The following LRSAM1 variants were observed in gnomAD, a reference collection of about 807,000 sequenced individuals.
LRSAM1 encodes leucine rich repeat and sterile alpha motif containing 1, also known as E3 ubiquitin-protein ligase LRSAM1.
Under a neutral mutation model 118.1 loss-of-function variants are expected in LRSAM1, and 96 were observed. That is an observed-to-expected ratio of 0.81 (90% CI 0.69 to 0.96). LRSAM1 has a LOEUF of 0.96. LRSAM1 is among the 40% of genes least tolerant of loss of function. The pLI is 0.00. For synonymous variants in LRSAM1, 322 were observed against 364.2 expected (o/e 0.88, Z 1.32); for missense variants, 804 against 915.5 (o/e 0.88, Z 1.57).
At chr9:127,454,890 G>A in intron 3 of LRSAM1, 108 bp from the exon 4 acceptor site, 2 of 1,095,492 alleles carry the variant, frequency 1.8e-6, no homozygotes, top group Non-Finnish European at 2.8e-6. Context: ...GAACCAGATA[G>A]TGTCTATGGT....
At chr9:127,499,659 G>A (rs1048647155) in intron 24 of LRSAM1, among the ~76,000 whole-genome samples, 1 of 152,048 alleles carries the variant, frequency 6.6e-6, no homozygotes, top group Non-Finnish European at 1.5e-5. Flanking sequence ...GGCCGGGTGC[G>A]GTGCCTCACG....
chr9:127,454,120 G>A, intron 2 of LRSAM1: 2 of 331,232 alleles, frequency 6.0e-6, no homozygotes, highest in South Asian at 4.9e-5. Flanking sequence ...GAACTCACTA[G>A]AAAGACGCAG....
chr9:127,464,792 C>T (rs1477496344), intron 9 of LRSAM1, among the ~76,000 whole-genome samples: 1 of 151,688 alleles, frequency 6.6e-6, no homozygotes, highest in Non-Finnish European at 1.5e-5. Flanking sequence ...ACAGGTGTAC[C>T]CCATCACTCT....
chr9:127,456,511 G>A (rs1439414723), intron 5 of LRSAM1, among the ~76,000 whole-genome samples: 1 of 152,208 alleles, frequency 6.6e-6, no homozygotes, highest in Non-Finnish European at 1.5e-5. Flanking sequence ...GATTACAGGT[G>A]TGAGCCACCA....
chr9:127,475,257 G>T (rs138174053), intron 11 of LRSAM1, among the ~76,000 whole-genome samples: 6 of 152,060 alleles, frequency 3.9e-5, no homozygotes, highest in African/African-American at 9.7e-5. Flanking sequence ...TTGGGAGGCC[G>T]AGGCTGGTGG....
At chr9:127,492,933 G>A in intron 21 of LRSAM1, 36 bp downstream of exon 21, 1 of 1,577,376 alleles carries the variant, frequency 6.3e-7, no homozygotes, top group Non-Finnish European at 8.7e-7. Flanking sequence ...CATCACACAG[G>A]CATTTGCTTT....
chr9:127,497,647 T>C (rs371175016), intron 24 of LRSAM1, among the ~76,000 whole-genome samples: 1 of 152,176 alleles, frequency 6.6e-6, no homozygotes, highest in African/African-American at 2.4e-5. Context: ...CTGAGGGACT[T>C]TGGACTAGAG....
intron 21 of LRSAM1, 30 bp from the exon 22 acceptor site, chr9:127,495,290 G>A (rs1421466463): frequency 1.3e-6 from 2 of 1,599,378 alleles, no homozygotes; most frequent in Non-Finnish European, 1.7e-6. Flanking sequence ...ACCATTTTGT[G>A]ACTAACATTG....
At chr9:127,476,877 A>G (rs1238449936) in intron 11 of LRSAM1, among the ~76,000 whole-genome samples, 1 of 152,112 alleles carries the variant, frequency 6.6e-6, no homozygotes. Flanking sequence ...GGGTTTCACC[A>G]TGCTGGCCAG....
chr9:127,469,687 G>C (rs1835092429), intron 10 of LRSAM1, among the ~76,000 whole-genome samples: 1 of 151,788 alleles, frequency 6.6e-6, no homozygotes, highest in Admixed American at 6.6e-5. Context: ...AAATAGGCCG[G>C]GCGCGGTGGC....
intron 9 of LRSAM1, among the ~76,000 whole-genome samples, chr9:127,463,847 C>T (rs1291320401): frequency 6.6e-6 from 1 of 152,194 alleles, no homozygotes; most frequent in Admixed American, 6.5e-5. Flanking sequence ...CCTGGAATCG[C>T]TCCGTGTATC....
At chr9:127,487,609 G>T in intron 17 of LRSAM1, 67 bp from the exon 18 acceptor site, 1 of 1,446,832 alleles carries the variant, frequency 6.9e-7, no homozygotes, top group Non-Finnish European at 9.6e-7. Flanking sequence ...TCCTCCAAGG[G>T]GCCTGGCACA....
intron 8 of LRSAM1, 70 bp downstream of exon 8, chr9:127,461,327 G>C: frequency 1.4e-6 from 2 of 1,438,244 alleles, no homozygotes; most frequent in Admixed American, 3.4e-5. Flanking sequence ...GGATCCACAG[G>C]CTGCCCCGCC....
intron 17 of LRSAM1, 99 bp downstream of exon 17, chr9:127,485,934 G>A: frequency 1.8e-6 from 2 of 1,124,874 alleles, no homozygotes; most frequent in Non-Finnish European, 2.7e-6. Context: ...CTCCCGCCCT[G>A]GGCCACCCCA....
intron 10 of LRSAM1, chr9:127,470,905 T>C (rs1588111667): frequency 6.6e-6 from 1 of 152,086 alleles, no homozygotes; most frequent in African/African-American, 2.4e-5. Flanking sequence ...GTTATCTCAA[T>C]TGATTGCTCA....
intron 4 of LRSAM1, 111 bp from the exon 5 acceptor site, chr9:127,455,465 T>G: frequency 9.0e-7 from 1 of 1,113,944 alleles, no homozygotes; most frequent in Non-Finnish European, 1.4e-6. Context: ...TGCTGTGGCG[T>G]TTTGCCCTTG....
chr9:127,455,450 C>T, intron 4 of LRSAM1, 126 bp from the exon 5 acceptor site: 1 of 957,872 alleles, frequency 1.0e-6, no homozygotes, highest in Non-Finnish European at 1.7e-6. Context: ...CTCAGCACTG[C>T]CACCTGCTGT....
At chr9:127,461,684 G>A (rs1413685948) in intron 8 of LRSAM1, among the ~76,000 whole-genome samples, 3 of 152,326 alleles carry the variant, frequency 2.0e-5, no homozygotes, top group South Asian at 4.1e-4. Flanking sequence ...GTTTACACAC[G>A]AGGAAAACAA....
intron 25 of LRSAM1, among the ~76,000 whole-genome samples, chr9:127,502,445 G>A (rs907762920): frequency 6.6e-6 from 1 of 152,138 alleles, no homozygotes; most frequent in Non-Finnish European, 1.5e-5. Context: ...AGCACTTTGG[G>A]AGGCCGAGGC....
Sources: gnomAD v4.1 joint callset for allele counts (sites outside exome capture counted in the v4.1 genomes callset) on GRCh38, gnomAD v4.1.1 for gene constraint, MANE v1.5 for transcripts, NCBI Gene and HGNC (gene_info 2026-07-23, HGNC 2026-07-21) for gene names.